Variants in ADGRB2 observed in about 807,000 individuals in gnomAD.
ADGRB2 encodes the protein brain-specific angiogenesis inhibitor 2.
A neutral mutation model predicts 178.7 loss-of-function variants in ADGRB2; 47 were observed. That is an observed-to-expected ratio of 0.26 (90% CI 0.21 to 0.34). The LOEUF is 0.34. Ranked by LOEUF, ADGRB2 falls within the 10% of genes least tolerant of loss-of-function variation. The pLI, the probability that ADGRB2 is intolerant of heterozygous loss-of-function variation, is 1.00. For missense variants in ADGRB2, 1,584 were observed against 2,180.8 expected, an observed-to-expected ratio of 0.73 and a Z score of 5.45; for synonymous variants, 870 against 912.4, an observed-to-expected ratio of 0.95 and a Z score of 0.84.
intron 4 of ADGRB2, among the ~76,000 whole-genome samples, chr1:31,749,147 A>C (rs1646430974): frequency 6.6e-6 from 1 of 152,132 alleles, no homozygotes; most frequent in African/African-American, 2.4e-5. Context: ...CTACTGTTTA[A>C]TTGCTCCTTT....
At chr1:31,762,868 G>T (rs905650624) in intron 1 of ADGRB2, among the ~76,000 whole-genome samples, 1 of 152,180 alleles carries the variant, frequency 6.6e-6, no homozygotes, top group African/African-American at 2.4e-5. Context: ...GGCGAGGCGG[G>T]CAGGCAGGCG....
rs1294380323 is a variant in ADGRB2 at position 31,739,497 on chromosome 1, G to A, written c.2306C>T (p.Ser769Phe). 6.2e-7 allele frequency: 1 copy of A among 1,612,710 alleles called. No homozygotes were observed. Among genetic ancestry groups the A allele is most frequent in the East Asian group, 2.2e-5 (1 of 44,882 alleles). Residue 769 changes from serine (S) to phenylalanine (F), a missense_variant, in exon 15 of 33, where the codon TCC becomes TTC. Ser to Phe is a radical substitution (Grantham distance 155). Coordinates refer to ENST00000373658, the MANE Select transcript of ADGRB2 (RefSeq NM_001364857.2). ...AGATGTGGCTGGCTTCCCTGGGGAGGAGAGGCTGAGCACCTCCTTGGGCAG... is the reference window on the plus strand; with the variant it reads ...AGATGTGGCTGGCTTCCCTGGGGAGAAGAGGCTGAGCACCTCCTTGGGCAG... ...LFLPKEVLSL[S>F]SPGKPATSGA...
intron 8 of ADGRB2, 35 bp from the exon 9 acceptor site, chr1:31,742,002 G>T (rs751833730): frequency 6.3e-7 from 1 of 1,583,820 alleles, no homozygotes; most frequent in Non-Finnish European, 8.6e-7. Context: ...GTGGGCCCAG[G>T]TACCCCCATG....
chr1:31,759,578 A>AC lies in ADGRB2; in HGVS notation c.-190-2068dup, dbSNP rs761601108. ...CTCCTCCCCTCAGTCTCCTTCAGAC[A>AC]CCTTCACGCTCATTCTGGGATTTCG... On this transcript the variant is annotated intron_variant, in intron 1 of 32. Coordinates refer to ENST00000373658, the MANE Select transcript of ADGRB2 (RefSeq NM_001364857.2). This position sits in a 1 kb window ranked among gnomAD's most constrained non-coding sequence, Gnocchi z 4.3. Among the ~76,000 whole-genome samples, 60 of 152,290 alleles carry AC rather than the reference A, an allele frequency of 3.9e-4. No individual in the cohort carries two copies. The highest frequency in any genetic ancestry group is 7.9e-4 in the Non-Finnish European group (54 of 68,016).
At chr1:31,746,157 A>G (rs1438863150) in intron 4 of ADGRB2, among the ~76,000 whole-genome samples, 2 of 152,080 alleles carry the variant, frequency 1.3e-5, no homozygotes, top group African/African-American at 4.8e-5. Context: ...AACATTCATT[A>G]TACTCCGCCC....
chr1:31,728,573 C>A lies in ADGRB2; in HGVS notation c.4416+25G>T. The A allele has an allele frequency of 6.2e-7, 1 of 1,614,044 alleles. No homozygotes were observed. The highest frequency in any genetic ancestry group is 8.5e-7 in the Non-Finnish European group (1 of 1,179,926). On this transcript the variant is annotated intron_variant, in intron 30 of 32. Coordinates refer to ENST00000373658, the MANE Select transcript of ADGRB2 (RefSeq NM_001364857.2). This position sits in a 1 kb window ranked among gnomAD's most constrained non-coding sequence, Gnocchi z 6.7. ...CAGACACCACAGCCAGATGTCCCAC[C>A]GCCCAGCACACACATGGCCCTTACC...
At chr1:31,737,579 G>A (rs774555824) in intron 19 of ADGRB2, 48 bp from the exon 20 acceptor site, 31 of 1,611,080 alleles carry the variant, frequency 1.9e-5, no homozygotes, top group Admixed American at 8.3e-5. Context: ...TGCCCCATCC[G>A]ACCTGGTGTG....
chr1:31,738,921 T>C lies in ADGRB2; in HGVS notation c.2512A>G (p.Thr838Ala). ...ACAGTCACTGTCATCACCCGGGATGTGACGGCCAGCGGGGGCCTGCGGGAC... is the reference window on the plus strand; with the variant it reads ...ACAGTCACTGTCATCACCCGGGATGCGACGGCCAGCGGGGGCCTGCGGGAC... Reference protein sequence around the residue: ...LPPPRPPLAVTSRVMTVTVRP... With the variant: ...LPPPRPPLAVASRVMTVTVRP... The change falls in exon 16 of 33, where the codon ACA (threonine) becomes GCA (alanine). Residue 838 changes from threonine to alanine, a missense_variant. Transcript: ENST00000373658. 1 of 1,612,680 alleles carries C rather than the reference T, an allele frequency of 6.2e-7. No individual in the cohort carries two copies. The highest frequency in any genetic ancestry group is 8.5e-7 in the Non-Finnish European group (1 of 1,179,516).
At chr1:31,751,141 A>C (rs115725928) in intron 4 of ADGRB2, among the ~76,000 whole-genome samples, 132 of 152,344 alleles carry the variant, frequency 8.7e-4, no homozygotes, top group African/African-American at 3.1e-3. Context: ...ACCATCCAGC[A>C]GCTCCAGTCT....
chr1:31,742,881 A>T lies in ADGRB2; in HGVS notation c.1209T>A (p.Gly403=), dbSNP rs1220019630. 1.3e-6 allele frequency: 2 copies of T among 1,537,034 alleles called. No homozygotes were observed. Among genetic ancestry groups the T allele is most frequent in the South Asian group, 2.4e-5 (2 of 82,764 alleles). The change falls in exon 7 of 33, where the codon GGT becomes GGA. Residue 403 remains glycine (G), a synonymous_variant. Transcript: ENST00000373658. The stretch of plus-strand genomic sequence containing the variant: ...TGCAGAGCTTAGTCTGCAGCTCAGG[A>T]CCCTCGCAGGCCTTGCCGCCGTGCT... ...PPQHGGKACE[G]PELQTKLCSM...
Position 31,728,014 on chromosome 1 carries a change from G to T in ADGRB2, c.4572+11C>A. ...GGCCCACCTCACCCCACCCAGCCCG[G>T]GGGGACTCACGGTGCACACGCTCCG... On this transcript the variant is annotated intron_variant, in intron 32 of 32. Coordinates refer to ENST00000373658, the MANE Select transcript of ADGRB2 (RefSeq NM_001364857.2). This position sits in a 1 kb window ranked among gnomAD's most constrained non-coding sequence, Gnocchi z 6.7. 1 of 1,554,752 alleles carries T rather than the reference G, an allele frequency of 6.4e-7. No homozygotes were observed. Among genetic ancestry groups the T allele is most frequent in the East Asian group, 2.4e-5 (1 of 42,052 alleles).
chr1:31,746,825 C>T (rs1191280473), intron 4 of ADGRB2, among the ~76,000 whole-genome samples: 2 of 152,156 alleles, frequency 1.3e-5, no homozygotes, highest in African/African-American at 4.8e-5. Flanking sequence ...CCCTTCTCAT[C>T]GGCACCCTGT....
chr1:31,751,948 C>A (rs1322416641), intron 4 of ADGRB2, among the ~76,000 whole-genome samples: 1 of 152,200 alleles, frequency 6.6e-6, no homozygotes, highest in African/African-American at 2.4e-5. Context: ...TACTCTCATC[C>A]TCTCACTGAA....
At chr1:31,743,916 G>T (rs976896774) in intron 6 of ADGRB2, among the ~76,000 whole-genome samples, 2 of 152,338 alleles carry the variant, frequency 1.3e-5, no homozygotes, top group Non-Finnish European at 2.9e-5. Context: ...GAGCGGAGTG[G>T]GTAAAAACAC....
In ADGRB2 at chr1:31,740,596, C is replaced by A; in HGVS notation, c.1795-55G>T. 1 of 1,495,164 alleles carries A rather than the reference C, an allele frequency of 6.7e-7. No individual in the cohort carries two copies. Among genetic ancestry groups the A allele is most frequent in the Non-Finnish European group, 9.0e-7 (1 of 1,116,710 alleles). 92.6% of individuals were successfully genotyped at this position (1,495,164 alleles called of 1,614,324 possible). On this transcript the variant is annotated intron_variant, in intron 11 of 32. Coordinates refer to ENST00000373658, the MANE Select transcript of ADGRB2 (RefSeq NM_001364857.2). The surrounding 1 kb of genome is among the most constrained non-coding windows in gnomAD (Gnocchi z 5.9). ...GAAGTGTCAGGAGCTGGAACCAGAC[C>A]CTGGCCCATCCCACTCCAGTCCACC... is the stretch of plus-strand genomic sequence containing the variant.
chr1:31,746,187 C>A (rs991166158), intron 4 of ADGRB2, among the ~76,000 whole-genome samples: 18 of 152,182 alleles, frequency 1.2e-4, no homozygotes, highest in African/African-American at 3.9e-4. Flanking sequence ...ACGTGAGGAC[C>A]CCCTGCCAGG....
At chr1:31,743,080 A>C in intron 6 of ADGRB2, 78 bp from the exon 7 acceptor site, 1 of 1,327,062 alleles carries the variant, frequency 7.5e-7, no homozygotes, top group Non-Finnish European at 9.7e-7. Context: ...TCCGCCCACC[A>C]ATCAGGAGCT....
At position 31,732,598 on chromosome 1, in the gene ADGRB2, C is replaced by G. The variant is rs1645347642; in HGVS notation, c.3639G>C (p.Val1213=). Residue 1213 remains valine (V), a synonymous_variant, in exon 27 of 33, where the codon GTG becomes GTC. Coordinates refer to ENST00000373658, the MANE Select transcript of ADGRB2 (RefSeq NM_001364857.2). ...CFLRREVQDV[V]KCQMGVCRAD... ...CCCGGCACACCCCCATCTGGCACTT[C>G]ACCACATCCTGGACCTGGGGACAGA... 1 of 1,613,966 alleles carries G rather than the reference C, an allele frequency of 6.2e-7. No homozygotes were observed. Among genetic ancestry groups the G allele is most frequent in the Admixed American group, 1.7e-5 (1 of 59,996 alleles).
Position 31,744,033 on chromosome 1 carries a change from C to G in ADGRB2, c.1087+160G>C, listed in dbSNP as rs1434650695. ...CATCTGTGCCCCCAGTGCCCTGCACCGGGCTGGCATGGTACGCAGAGTTGG... is the reference window on the plus strand; with the variant it reads ...CATCTGTGCCCCCAGTGCCCTGCACGGGGCTGGCATGGTACGCAGAGTTGG... On this transcript the variant is annotated intron_variant, in intron 6 of 32. Transcript: ENST00000373658. This position sits in a 1 kb window ranked among gnomAD's most constrained non-coding sequence, Gnocchi z 6.7. 2.0e-5 allele frequency among the ~76,000 whole-genome samples: 3 copies of G among 152,164 alleles called. No individual in the cohort carries two copies. The highest frequency in any genetic ancestry group is 4.4e-5 in the Non-Finnish European group (3 of 68,014).
Sources: allele counts gnomAD v4.1 joint callset (sites outside exome capture counted in the v4.1 genomes callset), GRCh38; gene constraint gnomAD v4.1.1; non-coding constraint Gnocchi (gnomAD v3.1); transcripts MANE v1.5; gene names NCBI Gene and HGNC (gene_info 2026-07-23, HGNC 2026-07-21).